Variants in CNTN6 observed in about 807,000 individuals in gnomAD.
The protein encoded by CNTN6 is contactin-6.
CNTN6 carries 137 observed loss-of-function variants against 122.8 expected under a neutral mutation model. The observed-to-expected ratio is 1.12, with a 90% CI of 0.97 to 1.29. CNTN6 has a LOEUF of 1.29. CNTN6 is among the 50% of genes most tolerant of loss of function. The pLI is 0.00. For synonymous variants in CNTN6, 570 were observed against 426.0 expected (o/e 1.34, Z -4.16); for missense variants, 1,634 against 1,223.4 (o/e 1.34, Z -5.01).
intron 4 of CNTN6, 82 bp from the exon 5 acceptor site, chr3:1,278,331 A>G (rs1692784878): frequency 9.8e-7 from 1 of 1,017,324 alleles, no homozygotes. Context: ...CCTTAATAAT[A>G]AAAACATTCT....
chr3:1,217,726 C>T (rs1371322578), intron 2 of CNTN6, among the ~76,000 whole-genome samples: 1 of 152,112 alleles, frequency 6.6e-6, no homozygotes, highest in Admixed American at 6.5e-5. Context: ...CCTCTGGTGC[C>T]TGCTGGTGCC....
At chr3:1,130,335 G>A (rs1057322270) in intron 1 of CNTN6, among the ~76,000 whole-genome samples, 2 of 152,006 alleles carry the variant, frequency 1.3e-5, no homozygotes, top group East Asian at 1.9e-4. Flanking sequence ...AGATAACACG[G>A]TGAAAACCTA....
In CNTN6 at chr3:1,402,299, G is replaced by T. The variant is rs368018437; in HGVS notation, c.2818-19G>T. The T allele has an allele frequency of 6.3e-7, 1 of 1,595,444 alleles. No homozygotes were observed. The highest frequency in any genetic ancestry group is 8.6e-7 in the Non-Finnish European group (1 of 1,168,556). Reference sequence around the variant, plus strand: ...AAAAGCAACATGTCCATGTTAACTTGATACCTCATTTTATTCAGATTCTGT... The same window carrying T: ...AAAAGCAACATGTCCATGTTAACTTTATACCTCATTTTATTCAGATTCTGT... On this transcript the variant is annotated intron_variant, in intron 21 of 22. Transcript: ENST00000446702.
chr3:1,234,240 G>A (rs1481898925), intron 4 of CNTN6, among the ~76,000 whole-genome samples: 1 of 151,962 alleles, frequency 6.6e-6, no homozygotes, highest in South Asian at 2.1e-4. Flanking sequence ...AAGTAAATCA[G>A]AATTCTCATG....
chr3:1,107,132 G>A (rs899633678), intron 1 of CNTN6, among the ~76,000 whole-genome samples: 10 of 152,042 alleles, frequency 6.6e-5, no homozygotes, highest in Non-Finnish European at 1.5e-4. Context: ...TCACAGACAC[G>A]TCCAAAATAT....
chr3:1,104,173 A>G (rs9810078), intron 1 of CNTN6, among the ~76,000 whole-genome samples: 21,045 of 152,052 alleles, frequency 0.14, 4,868 homozygotes, highest in African/African-American at 0.48. Flanking sequence ...CCAGGTGGAA[A>G]GGGGGGCTAA....
intron 20 of CNTN6, among the ~76,000 whole-genome samples, chr3:1,396,953 T>C (rs1216573978): frequency 6.6e-6 from 1 of 152,238 alleles, no homozygotes; most frequent in Non-Finnish European, 1.5e-5. Context: ...AATCTGATAT[T>C]TGATCTTCCA....
At chr3:1,177,550 A>T (rs2093473695) in intron 2 of CNTN6, among the ~76,000 whole-genome samples, 1 of 152,150 alleles carries the variant, frequency 6.6e-6, no homozygotes, top group African/African-American at 2.4e-5. Context: ...AGAAATTTTT[A>T]AAATATATTT....
intron 2 of CNTN6, among the ~76,000 whole-genome samples, chr3:1,167,154 C>T (rs1159513140): frequency 2.0e-5 from 3 of 150,426 alleles, no homozygotes; most frequent in African/African-American, 7.4e-5. Flanking sequence ...AAAACAAAAA[C>T]AAACAAACAA....
chr3:1,266,134 A>T (rs555592597), intron 4 of CNTN6, among the ~76,000 whole-genome samples: 20 of 152,288 alleles, frequency 1.3e-4, no homozygotes, highest in African/African-American at 4.3e-4. Flanking sequence ...AACATTAAAA[A>T]TGATGACAGA....
intron 2 of CNTN6, among the ~76,000 whole-genome samples, chr3:1,209,026 G>A (rs116394854): frequency 0.011 from 1,652 of 152,132 alleles, 32 homozygotes; most frequent in African/African-American, 0.037. Context: ...TTTTATTTTG[G>A]TCTGGCTTTA....
chr3:1,386,083 T>A (rs1215758671), intron 20 of CNTN6, among the ~76,000 whole-genome samples: 1 of 152,188 alleles, frequency 6.6e-6, no homozygotes, highest in Non-Finnish European at 1.5e-5. Context: ...TCTAAATGCA[T>A]TCAAAAACTG....
At chr3:1,098,159 G>C (rs1377798168) in intron 1 of CNTN6, among the ~76,000 whole-genome samples, 1 of 151,850 alleles carries the variant, frequency 6.6e-6, no homozygotes, top group Admixed American at 6.6e-5. Context: ...TGGGTGCAGT[G>C]CACCAGCATG....
intron 2 of CNTN6, among the ~76,000 whole-genome samples, chr3:1,214,718 G>C (rs1471828919): frequency 6.6e-6 from 1 of 152,058 alleles, no homozygotes; most frequent in African/African-American, 2.4e-5. Flanking sequence ...AAATGGTACT[G>C]TTTAAAATCC....
At chr3:1,382,324 T>C (rs2126177470) in intron 17 of CNTN6, among the ~76,000 whole-genome samples, 1 of 152,318 alleles carries the variant, frequency 6.6e-6, no homozygotes, top group Non-Finnish European at 1.5e-5. Context: ...TAATTTTAGA[T>C]TTGAAATGTA....
At chr3:1,185,846 G>A (rs2093621620) in intron 2 of CNTN6, among the ~76,000 whole-genome samples, 1 of 152,100 alleles carries the variant, frequency 6.6e-6, no homozygotes, top group Admixed American at 6.6e-5. Flanking sequence ...GAAAAACACA[G>A]TGCGTTGATC....
intron 3 of CNTN6, among the ~76,000 whole-genome samples, chr3:1,222,814 C>T (rs1460357998): frequency 6.6e-6 from 1 of 151,950 alleles, no homozygotes. Context: ...GGCACTAACC[C>T]TGGTGCTTAT....
chr3:1,257,550 C>G (rs3872626), intron 4 of CNTN6, among the ~76,000 whole-genome samples: 36,841 of 152,018 alleles, frequency 0.24, 5,281 homozygotes, highest in African/African-American at 0.4. Flanking sequence ...TTCCCCACCC[C>G]TGCCCTATGA....
chr3:1,217,761 G>A (rs1339410299), intron 2 of CNTN6, among the ~76,000 whole-genome samples: 1 of 152,182 alleles, frequency 6.6e-6, no homozygotes, highest in Non-Finnish European at 1.5e-5. Context: ...AACAAGTGCT[G>A]TCTCCAGTAA....
Sources: gnomAD v4.1 joint callset for allele counts (sites outside exome capture counted in the v4.1 genomes callset) on GRCh38, gnomAD v4.1.1 for gene constraint, MANE v1.5 for transcripts, NCBI Gene and HGNC (gene_info 2026-07-23, HGNC 2026-07-21) for gene names.